The following MYRIP variants were observed in gnomAD, a reference collection of about 807,000 sequenced individuals.
MYRIP encodes rab effector MyRIP.
In MYRIP, 49 loss-of-function variants were observed where a neutral mutation model predicts 98.0. The ratio of observed to expected loss-of-function variants is 0.50; its 90% confidence interval spans 0.40 to 0.63. The LOEUF (loss-of-function observed/expected upper bound fraction) is 0.63. Ranked by LOEUF, MYRIP falls within the 30% of genes least tolerant of loss-of-function variation. The pLI, the probability that MYRIP is intolerant of heterozygous loss-of-function variation, is 0.00. For synonymous variants in MYRIP, 404 were observed against 409.5 expected (o/e 0.99, Z 0.16); for missense variants, 1,004 against 1,058.2 (o/e 0.95, Z 0.71).
intron 3 of MYRIP, among the ~76,000 whole-genome samples, chr3:40,064,607 G>C (rs1173415400): frequency 1.3e-5 from 2 of 152,168 alleles, no homozygotes; most frequent in Admixed American, 6.5e-5. Flanking sequence ...CTGCTCTATA[G>C]CAAGACAGGC....
chr3:39,829,689 A>G (rs1941382191), intron 1 of MYRIP, among the ~76,000 whole-genome samples: 1 of 152,042 alleles, frequency 6.6e-6, no homozygotes, highest in Non-Finnish European at 1.5e-5. Context: ...GGGACACTGT[A>G]CTTTTTTTTA....
chr3:40,139,087 C>G (rs1949841133), intron 3 of MYRIP, among the ~76,000 whole-genome samples: 1 of 152,148 alleles, frequency 6.6e-6, no homozygotes, highest in Non-Finnish European at 1.5e-5. Flanking sequence ...ACTTTCTCTT[C>G]CTAGCTTATT....
intron 1 of MYRIP, among the ~76,000 whole-genome samples, chr3:39,882,442 G>C (rs1943179133): frequency 6.6e-6 from 1 of 152,206 alleles, no homozygotes; most frequent in East Asian, 1.9e-4. Context: ...TAGAGATTTA[G>C]AACCCACAAA....
At chr3:39,948,456 C>A (rs1398617523) in intron 2 of MYRIP, among the ~76,000 whole-genome samples, 2 of 151,704 alleles carry the variant, frequency 1.3e-5, no homozygotes, top group African/African-American at 4.8e-5. Context: ...AGAAGTCAGG[C>A]AAATATGAAA....
intron 10 of MYRIP, among the ~76,000 whole-genome samples, chr3:40,202,250 T>G (rs909657283): frequency 1.2e-4 from 18 of 152,144 alleles, no homozygotes; most frequent in African/African-American, 4.3e-4. Context: ...TGGACTCTTT[T>G]TTAAAAGGTG....
At chr3:40,036,269 C>G (rs1454976475) in intron 2 of MYRIP, among the ~76,000 whole-genome samples, 1 of 128,646 alleles carries the variant, frequency 7.8e-6, no homozygotes, top group East Asian at 2.3e-4. Flanking sequence ...GGAAGAATTA[C>G]ACTGACAGAC....
rs1339113577 is a variant in MYRIP, at chr3:40,218,613, TATATATATATATATATATATATA to T, written c.1905+8521_1905+8543del. On this transcript the variant is annotated intron_variant, in intron 11 of 16. Coordinates refer to ENST00000302541, the MANE Select transcript of MYRIP (RefSeq NM_015460.4). ...CACACACACACATATATATATATTT[TATATATATATATATATATATATA>T]TATATATATATATATATATACATAC... 2.0e-3 allele frequency among the ~76,000 whole-genome samples: 32 copies of T among 16,250 alleles called. 3 individuals carry two copies. The highest frequency in any genetic ancestry group is 2.9e-3 in the African/African-American group (30 of 10,498). The allele number at this position is 16,250 out of a possible 152,430, so 10.7% of individuals were successfully genotyped here.
intron 2 of MYRIP, among the ~76,000 whole-genome samples, chr3:40,005,670 A>G (rs1248492986): frequency 6.6e-6 from 1 of 152,216 alleles, no homozygotes; most frequent in Non-Finnish European, 1.5e-5. Flanking sequence ...TCTCATGGAT[A>G]ACAGTCTTCC....
chr3:39,954,174 C>A (rs775010119), intron 2 of MYRIP, among the ~76,000 whole-genome samples: 11 of 152,110 alleles, frequency 7.2e-5, no homozygotes, highest in Non-Finnish European at 1.6e-4. Context: ...GTTCTCCCAG[C>A]ATGGAGTTTG....
chr3:40,238,327 G>A (rs533123313), intron 12 of MYRIP, among the ~76,000 whole-genome samples: 13 of 152,316 alleles, frequency 8.5e-5, no homozygotes, highest in South Asian at 4.1e-4. Flanking sequence ...TGCTGCTCCC[G>A]GATGGAATTC....
In MYRIP at chr3:40,032,511, G is replaced by C. The variant is rs1947283635; in HGVS notation, c.111-11539G>C. ...AAAAAATGTATATTCTGTTGATTTG[G>C]GGTGGAGAGTTCTGTAGATGTCTAT... On this transcript the variant is annotated intron_variant, in intron 2 of 16. Coordinates refer to ENST00000302541, the MANE Select transcript of MYRIP (RefSeq NM_015460.4). Among the ~76,000 whole-genome samples, 3 of 152,154 alleles carry C rather than the reference G, an allele frequency of 2.0e-5. No homozygotes were observed. In the South Asian group the frequency reaches 6.2e-4, roughly 32 times the overall value.
chr3:40,239,470 G>C (rs1396062643), intron 12 of MYRIP, among the ~76,000 whole-genome samples: 1 of 141,076 alleles, frequency 7.1e-6, no homozygotes, highest in Non-Finnish European at 1.5e-5. Flanking sequence ...CTAGATCCTT[G>C]AGGAATCGCC....
chr3:39,947,822 C>T (rs570304207), intron 2 of MYRIP, among the ~76,000 whole-genome samples: 3 of 152,216 alleles, frequency 2.0e-5, no homozygotes, highest in Non-Finnish European at 1.5e-5. Flanking sequence ...CTACCCTAGA[C>T]GTACTGAATC....
At chr3:39,866,646 C>T (rs1405734967) in intron 1 of MYRIP, among the ~76,000 whole-genome samples, 2 of 151,914 alleles carry the variant, frequency 1.3e-5, no homozygotes, top group Non-Finnish European at 2.9e-5. Flanking sequence ...AAGATCTGTA[C>T]ATTGAAAATT....
At chr3:40,104,363 T>C (rs963756876) in intron 3 of MYRIP, among the ~76,000 whole-genome samples, 5 of 152,202 alleles carry the variant, frequency 3.3e-5, no homozygotes, top group African/African-American at 1.2e-4. Context: ...ATTCTCCATT[T>C]TCTCAGTGAG....
At chr3:40,042,703 T>C (rs1315905280) in intron 2 of MYRIP, among the ~76,000 whole-genome samples, 1 of 152,130 alleles carries the variant, frequency 6.6e-6, no homozygotes, top group Non-Finnish European at 1.5e-5. Context: ...AGTAGTAAAA[T>C]ACTATCAAGT....
intron 2 of MYRIP, among the ~76,000 whole-genome samples, chr3:39,968,892 T>C (rs1295459663): frequency 1.3e-5 from 2 of 152,212 alleles, no homozygotes; most frequent in African/African-American, 4.8e-5. Flanking sequence ...AGGAATAGCA[T>C]TGAATCTGTA....
At chr3:40,054,226 C>T (rs1947842450) in intron 3 of MYRIP, among the ~76,000 whole-genome samples, 2 of 152,044 alleles carry the variant, frequency 1.3e-5, no homozygotes, top group Non-Finnish European at 2.9e-5. Flanking sequence ...ACTCATTGGC[C>T]TCCCAATTCA....
At chr3:40,071,312 C>A (rs965284230) in intron 3 of MYRIP, 2 of 547,506 alleles carry the variant, frequency 3.7e-6, no homozygotes, top group Non-Finnish European at 4.6e-6. Context: ...ATATGGGGTG[C>A]ACTGGTTGGT....
Sources: gnomAD v4.1 joint callset for allele counts (sites outside exome capture counted in the v4.1 genomes callset) on GRCh38, gnomAD v4.1.1 for gene constraint, MANE v1.5 for transcripts, NCBI Gene and HGNC (gene_info 2026-07-23, HGNC 2026-07-21) for gene names.